Variants in GSE1 observed in about 807,000 individuals in gnomAD.
GSE1 encodes the protein Gse1 coiled-coil protein.
In GSE1, 32 loss-of-function variants were observed where a neutral mutation model predicts 112.6. That is an observed-to-expected ratio of 0.28 (90% confidence interval 0.21 to 0.38). The LOEUF is 0.38. Ranked by LOEUF, GSE1 falls within the 10% of genes least tolerant of loss-of-function variation. GSE1 has a pLI of 1.00. For synonymous variants in GSE1, 1,115 were observed against 735.6 expected (o/e 1.52, Z -8.35); for missense variants, 2,348 against 1,699.2 (o/e 1.38, Z -6.71).
At chr16:85,648,045 G>A (rs952672790) in intron 2 of GSE1, among the ~76,000 whole-genome samples, 29 of 151,954 alleles carry the variant, frequency 1.9e-4, no homozygotes, top group African/African-American at 9.7e-5. Context: ...CTGCTTACAC[G>A]TGGAGCTGCC....
At position 85,666,135 on chromosome 16, in the gene GSE1, A is replaced by C. The variant is rs1327294607; in HGVS notation, c.2918A>C (p.Lys973Thr). The change falls in exon 13 of 16, where the codon AAG becomes ACG. Residue 973 changes from lysine (K) to threonine (T), a missense_variant. Coordinates refer to ENST00000253458, the MANE Select transcript of GSE1 (RefSeq NM_014615.5). Reference sequence around the variant, plus strand: ...GAGCTAGCTCCTGCCAGCGGGGAGAAGGCCAGGCTGAGCGAGGCCCCTGGA... The same window carrying C: ...GAGCTAGCTCCTGCCAGCGGGGAGACGGCCAGGCTGAGCGAGGCCCCTGGA... Reference protein sequence around the residue: ...VQELAPASGEKARLSEAPGGK... With the variant: ...VQELAPASGETARLSEAPGGK... 9 of 1,613,256 alleles carry C rather than the reference A, an allele frequency of 5.6e-6. No individual in the cohort carries two copies. The South Asian group carries it at 8.8e-5, about 16-fold the overall frequency.
At chr16:85,428,375 C>G (rs1024602513) in intron 2 of GSE1, among the ~76,000 whole-genome samples, 3 of 152,238 alleles carry the variant, frequency 2.0e-5, no homozygotes, top group Non-Finnish European at 4.4e-5. Flanking sequence ...CGGAGCCGAC[C>G]GTCTGGCTTC....
chr16:85,665,270 G>T (rs772888938), intron 12 of GSE1, 142 bp downstream of exon 12: 1 of 613,112 alleles, frequency 1.6e-6, no homozygotes, highest in Non-Finnish European at 2.9e-6. Flanking sequence ...ACCAGCGTAC[G>T]ATTCTTGCAC....
chr16:85,320,689 T>G (rs929909448), intron 1 of GSE1, among the ~76,000 whole-genome samples: 2 of 152,184 alleles, frequency 1.3e-5, no homozygotes, highest in Admixed American at 6.5e-5. Context: ...AAGGTCATAT[T>G]CTGAGGTTTT....
intron 9 of GSE1, chr16:85,662,758 G>T: frequency 1.9e-6 from 1 of 537,302 alleles, no homozygotes; most frequent in Non-Finnish European, 3.3e-6. Flanking sequence ...CCAGCTACTG[G>T]GAGCCATGGA....
intron 2 of GSE1, among the ~76,000 whole-genome samples, chr16:85,489,028 C>T (rs755032613): frequency 5.3e-5 from 8 of 152,130 alleles, no homozygotes; most frequent in Non-Finnish European, 1.0e-4. Flanking sequence ...CCAGGAGAAG[C>T]GGGTCCAGAG....
intron 1 of GSE1, among the ~76,000 whole-genome samples, chr16:85,573,734 G>T (rs1258811698): frequency 6.6e-6 from 1 of 152,238 alleles, no homozygotes. Context: ...CAGGCGCACT[G>T]GTTTGTGCCA....
At chr16:85,463,814 T>TGA (rs1209308917) in intron 2 of GSE1, among the ~76,000 whole-genome samples, 1 of 152,114 alleles carries the variant, frequency 6.6e-6, no homozygotes, top group Non-Finnish European at 1.5e-5. Flanking sequence ...AGCGGGACTC[T>TGA]GAGGCCTGGG....
At chr16:85,579,163 G>A (rs758823975) in intron 1 of GSE1, among the ~76,000 whole-genome samples, 2 of 152,310 alleles carry the variant, frequency 1.3e-5, no homozygotes, top group Admixed American at 6.5e-5. Context: ...TTCTGGGCTT[G>A]GGGGAACCCG....
chr16:85,254,389 G>A (rs1906840766), intron 1 of GSE1, among the ~76,000 whole-genome samples: 2 of 152,316 alleles, frequency 1.3e-5, no homozygotes, highest in East Asian at 1.9e-4. Flanking sequence ...TGACCCTGAA[G>A]AAGTTGTCCC....
Position 85,205,589 on chromosome 16 carries a change from A to C in GSE1, c.2283+33782A>C, listed in dbSNP as rs117424346. Among the ~76,000 whole-genome samples the C allele has an allele frequency of 1.2e-3, 186 of 151,646 alleles. 2 individuals carry two copies. The East Asian group carries it at 0.034, about 28-fold the overall frequency. On this transcript the variant is annotated intron_variant, in intron 1 of 2. Transcript: ENST00000637419. The stretch of plus-strand genomic sequence containing the variant: ...TCCTTCCCTAGTTTCCCTCAAACAC[A>C]CTCATCCCCCACAGCCCCTCTTTGG...
chr16:85,553,448 G>A (rs1224165857), upstream of GSE1, among the ~76,000 whole-genome samples: 1 of 151,782 alleles, frequency 6.6e-6, no homozygotes, highest in African/African-American at 2.4e-5. Flanking sequence ...CGGCGGGCGC[G>A]GGCGGCCCCG....
intron 2 of GSE1, among the ~76,000 whole-genome samples, chr16:85,503,225 C>T (rs1253330604): frequency 6.6e-6 from 1 of 152,214 alleles, no homozygotes. Context: ...TTTCCATTCC[C>T]CGTGACTTTC....
In GSE1 at chr16:85,231,526, G is replaced by A. The variant is rs142544837; in HGVS notation, c.2283+59719G>A. Among the ~76,000 whole-genome samples, 506 of 152,340 alleles carry A rather than the reference G, an allele frequency of 3.3e-3. 4 individuals carry two copies. Among genetic ancestry groups the A allele is most frequent in the Non-Finnish European group, 3.1e-3 (214 of 68,028 alleles). Reference sequence around the variant, plus strand: ...TGGATAGAAAGATGGATGGCTGAATGAGCAGATGGTTAGACAAAATAGACA... The same window carrying A: ...TGGATAGAAAGATGGATGGCTGAATAAGCAGATGGTTAGACAAAATAGACA... On this transcript the variant is annotated intron_variant, in intron 1 of 2. Transcript: ENST00000637419.
intron 2 of GSE1, among the ~76,000 whole-genome samples, chr16:85,456,641 G>GTGTGTGTGTGTGTGTGTGTGTGT (rs1567502079): frequency 1.1e-5 from 1 of 94,038 alleles, no homozygotes; most frequent in African/African-American, 4.2e-5. Flanking sequence ...TGTGTGTGTG[G>GTGTGTGTGTGTGTGTGTGTGTGT]TCTGCCATTT....
chr16:85,615,657 CAAGG>C (rs1296822678), intron 1 of GSE1, among the ~76,000 whole-genome samples: 5 of 152,218 alleles, frequency 3.3e-5, no homozygotes, highest in Non-Finnish European at 7.3e-5. Context: ...GAGCTCAAAA[CAAGG>C]AAGGCAACAA....
At position 85,184,200 on chromosome 16, in the gene GSE1, C is replaced by G. The variant is rs375033111; in HGVS notation, c.2283+12393C>G. ...AGAGTCTTGGGAAGGGCTTCTGGACCCCATTTGTGACTCAGGCCTGTCTTT... is the reference window on the plus strand; with the variant it reads ...AGAGTCTTGGGAAGGGCTTCTGGACGCCATTTGTGACTCAGGCCTGTCTTT... On this transcript the variant is annotated intron_variant, in intron 1 of 2. Transcript: ENST00000637419. Among the ~76,000 whole-genome samples, 3 of 152,092 alleles carry G rather than the reference C, an allele frequency of 2.0e-5. No individual in the cohort carries two copies. In the South Asian group the frequency reaches 6.2e-4, roughly 32 times the overall value.
At chr16:85,189,931 C>A (rs928897205) in intron 1 of GSE1, among the ~76,000 whole-genome samples, 3 of 152,158 alleles carry the variant, frequency 2.0e-5, no homozygotes, top group Middle Eastern at 3.2e-3. Context: ...ATTAATCTCC[C>A]AAAAGGTTTA....
intron 1 of GSE1, among the ~76,000 whole-genome samples, chr16:85,576,536 T>G (rs1023082910): frequency 1.3e-5 from 2 of 152,156 alleles, no homozygotes; most frequent in Middle Eastern, 3.2e-3. Context: ...CCGCATGTCT[T>G]CCTCTAGCAA....
Sources: gnomAD v4.1 joint callset for allele counts (sites outside exome capture counted in the v4.1 genomes callset) on GRCh38, gnomAD v4.1.1 for gene constraint, MANE v1.5 for transcripts, NCBI Gene and HGNC (gene_info 2026-07-23, HGNC 2026-07-21) for gene names.